RIMS1: variants seen among roughly 807,000 people sequenced by gnomAD.
RIMS1 encodes regulating synaptic membrane exocytosis 1.
Under a neutral mutation model 214.1 loss-of-function variants are expected in RIMS1, and 83 were observed. That is an observed-to-expected ratio of 0.39 (90% CI 0.32 to 0.47). The LOEUF is 0.47. RIMS1 is among the 20% of genes least tolerant of loss of function. The pLI is 0.99. For missense variants in RIMS1, 2,050 were observed against 2,161.8 expected, an observed-to-expected ratio of 0.95 and a Z score of 1.03; for synonymous variants, 793 against 786.8, an observed-to-expected ratio of 1.01 and a Z score of -0.13.
intron 2 of RIMS1, among the ~76,000 whole-genome samples, chr6:72,052,012 A>C (rs551398745): frequency 6.6e-6 from 1 of 152,342 alleles, no homozygotes; most frequent in South Asian, 2.1e-4. Flanking sequence ...TTCATGATAT[A>C]TTATGCTTTG....
intron 1 of RIMS1, among the ~76,000 whole-genome samples, chr6:71,920,206 G>A (rs1779585816): frequency 6.6e-6 from 1 of 152,078 alleles, no homozygotes; most frequent in Non-Finnish European, 1.5e-5. Flanking sequence ...GAAATTCTTG[G>A]TTTAAAAATC....
chr6:72,235,978 T>C (rs568269329), intron 8 of RIMS1, among the ~76,000 whole-genome samples: 16 of 152,260 alleles, frequency 1.1e-4, no homozygotes, highest in Non-Finnish European at 1.8e-4. Flanking sequence ...TGTGGACTTT[T>C]GTTGTAACTT....
intron 1 of RIMS1, among the ~76,000 whole-genome samples, chr6:71,940,631 A>G (rs2151009843): frequency 6.6e-6 from 1 of 152,340 alleles, no homozygotes; most frequent in Non-Finnish European, 1.5e-5. Flanking sequence ...GATTGAACTG[A>G]ATTCTGCTAA....
chr6:72,202,797 A>C (rs972312177), intron 6 of RIMS1, among the ~76,000 whole-genome samples: 1 of 149,782 alleles, frequency 6.7e-6, no homozygotes, highest in East Asian at 2.0e-4. Flanking sequence ...AGTTTTAGGC[A>C]TAGCCAGAGA....
At chr6:72,107,351 A>G (rs1395869343) in intron 4 of RIMS1, among the ~76,000 whole-genome samples, 1 of 152,224 alleles carries the variant, frequency 6.6e-6, no homozygotes, top group African/African-American at 2.4e-5. Flanking sequence ...ACCTGAGGCC[A>G]GGAGTTCAAG....
chr6:72,363,491 G>A (rs1283346470), intron 29 of RIMS1, among the ~76,000 whole-genome samples: 1 of 152,134 alleles, frequency 6.6e-6, no homozygotes, highest in Non-Finnish European at 1.5e-5. Context: ...AAGAGGAAAT[G>A]GCAAGAGTGG....
rs558984913 is a variant in RIMS1 at position 72,307,883 on chromosome 6, G to T, written c.3963+513G>T. Among the ~76,000 whole-genome samples, 5 of 151,942 alleles carry T rather than the reference G, an allele frequency of 3.3e-5. No homozygotes were observed. The East Asian group carries it at 9.7e-4, about 29-fold the overall frequency. On this transcript the variant is annotated intron_variant, in intron 27 of 33. Transcript: ENST00000521978. ...TTCATTGAAATATTAACTTGGATTTGATTTTTTTCTAAAAATATGTAAATA... is the reference window on the plus strand; with the variant it reads ...TTCATTGAAATATTAACTTGGATTTTATTTTTTTCTAAAAATATGTAAATA...
chr6:72,226,602 A>G (rs2060263137), intron 6 of RIMS1, among the ~76,000 whole-genome samples: 1 of 152,062 alleles, frequency 6.6e-6, no homozygotes, highest in Non-Finnish European at 1.5e-5. Flanking sequence ...CTATTAGAAA[A>G]TAAATATTAA....
At chr6:72,343,114 C>G (rs2097150363) in intron 29 of RIMS1, among the ~76,000 whole-genome samples, 1 of 151,834 alleles carries the variant, frequency 6.6e-6, no homozygotes, top group Non-Finnish European at 1.5e-5. Flanking sequence ...TATCAGGGAT[C>G]AAGGCCTCCC....
chr6:72,285,210 C>T (rs1465738149), intron 24 of RIMS1, among the ~76,000 whole-genome samples: 1 of 152,086 alleles, frequency 6.6e-6, no homozygotes, highest in Non-Finnish European at 1.5e-5. Context: ...ACATGGGAGG[C>T]AGAGGATCAG....
At chr6:72,232,328 T>C (rs959146184) in intron 6 of RIMS1, among the ~76,000 whole-genome samples, 1 of 151,594 alleles carries the variant, frequency 6.6e-6, no homozygotes, top group African/African-American at 2.4e-5. Flanking sequence ...ATTAATATAG[T>C]TTTTCTTTCA....
chr6:71,992,454 TTC>T (rs1302801429), intron 2 of RIMS1, among the ~76,000 whole-genome samples: 1 of 126,904 alleles, frequency 7.9e-6, no homozygotes, highest in African/African-American at 2.6e-5. Context: ...TTCTTTCTCT[TTC>T]TCTTTCTTTC....
intron 1 of RIMS1, among the ~76,000 whole-genome samples, chr6:71,895,458 T>C (rs936329870): frequency 2.0e-5 from 3 of 152,060 alleles, no homozygotes; most frequent in Non-Finnish European, 4.4e-5. Flanking sequence ...GCGTATCACC[T>C]GAGGTCAGGA....
chr6:71,977,030 A>G (rs6902486), intron 2 of RIMS1, among the ~76,000 whole-genome samples: 44 of 152,138 alleles, frequency 2.9e-4, no homozygotes, highest in Non-Finnish European at 5.7e-4. Context: ...GCGTGGTCTA[A>G]TGTTCACAAC....
rs1788307560 is a variant in RIMS1, at chr6:71,947,729, G to T, written c.165-21254G>T. On this transcript the variant is annotated intron_variant, in intron 1 of 33. Transcript: ENST00000521978. Reference sequence around the variant, plus strand: ...CACAAGAAAACAATAAGTATTTTAGGAAAGGCATATAGTTTAGCCACTGCA... The same window carrying T: ...CACAAGAAAACAATAAGTATTTTAGTAAAGGCATATAGTTTAGCCACTGCA... Among the ~76,000 whole-genome samples the T allele has an allele frequency of 2.0e-5, 3 of 152,040 alleles. No individual in the cohort carries two copies. In the South Asian group the frequency reaches 6.2e-4, roughly 32 times the overall value.
At chr6:72,115,733 T>C (rs966296195) in intron 4 of RIMS1, among the ~76,000 whole-genome samples, 2 of 151,926 alleles carry the variant, frequency 1.3e-5, no homozygotes, top group African/African-American at 4.8e-5. Context: ...TTATTTAATG[T>C]ATGGTATATA....
rs368305176 is a variant in RIMS1, at chr6:72,124,225, T to C, written c.471+24239T>C. ...TGTAAAGGATTTTATTTCTCCTTCA[T>C]TTATGAAGCTTAGTTTGGCTGGATA... On this transcript the variant is annotated intron_variant, in intron 4 of 33. Coordinates refer to ENST00000521978, the MANE Select transcript of RIMS1 (RefSeq NM_014989.7). Among the ~76,000 whole-genome samples the C allele has an allele frequency of 1.8e-4, 28 of 151,896 alleles. 1 individual carries two copies. The highest frequency in any genetic ancestry group is 6.2e-4 in the South Asian group (3 of 4,812).
At chr6:72,204,378 T>C (rs562743692) in intron 6 of RIMS1, among the ~76,000 whole-genome samples, 1 of 152,304 alleles carries the variant, frequency 6.6e-6, no homozygotes, top group South Asian at 2.1e-4. Flanking sequence ...TCCAAAAAAC[T>C]TCAGCCATGC....
intron 2 of RIMS1, among the ~76,000 whole-genome samples, chr6:72,010,731 G>T (rs1012856942): frequency 1.3e-5 from 2 of 152,090 alleles, no homozygotes; most frequent in South Asian, 2.1e-4. Flanking sequence ...ATTCACAATT[G>T]CTTCAAAGAG....
Sources: gnomAD v4.1 joint callset for allele counts (sites outside exome capture counted in the v4.1 genomes callset) on GRCh38, gnomAD v4.1.1 for gene constraint, MANE v1.5 for transcripts, NCBI Gene and HGNC (gene_info 2026-07-23, HGNC 2026-07-21) for gene names.